The following HDGF variants were observed in gnomAD, a reference collection of about 807,000 sequenced individuals.
HDGF encodes hepatoma-derived growth factor.
Under a neutral mutation model 30.0 loss-of-function variants are expected in HDGF, and 5 were observed. That is an observed-to-expected ratio of 0.17 (90% CI 0.09 to 0.35). The LOEUF (loss-of-function observed/expected upper bound fraction) is 0.35. Among genes scored for constraint, HDGF ranks in the 10% least tolerant of loss-of-function variants. HDGF has a pLI of 1.00. For missense variants in HDGF, 214 were observed against 302.8 expected (o/e 0.71, Z 2.18); for synonymous variants, 133 against 112.7 (o/e 1.18, Z -1.14).
upstream of HDGF, among the ~76,000 whole-genome samples, chr1:156,755,263 C>T (rs1177097208): frequency 1.3e-5 from 2 of 152,102 alleles, no homozygotes; most frequent in South Asian, 4.1e-4. Context: ...GCTCTAGGAT[C>T]CTGAAGCGAG....
intron 1 of HDGF, among the ~76,000 whole-genome samples, chr1:156,766,361 G>T (rs1651376866): frequency 6.6e-6 from 1 of 152,136 alleles, no homozygotes; most frequent in African/African-American, 2.4e-5. Context: ...TGCAATCTGG[G>T]AACAGGGAGG....
rs1385881587 is a variant in HDGF at position 156,742,538 on chromosome 1, ATTTTC to A, written c.*906_*910del. Reference sequence around the variant, plus strand: ...GGGGTCTTTAAAATTTTTTTTTGTAATTTTCTTTTATTAAAAACATTTCCTAAAAA... The same window carrying A: ...GGGGTCTTTAAAATTTTTTTTTGTAATTTTATTAAAAACATTTCCTAAAAA... On this transcript the variant is annotated 3_prime_UTR_variant, in exon 6 of 6. Transcript: ENST00000357325. 6.6e-6 allele frequency: 1 copy of A among 152,610 alleles called. No individual in the cohort carries two copies. 9.5% of individuals were successfully genotyped at this position (152,610 alleles called of 1,614,324 possible).
At chr1:156,746,813 G>T (rs1455732240) in intron 1 of HDGF, among the ~76,000 whole-genome samples, 1 of 152,186 alleles carries the variant, frequency 6.6e-6, no homozygotes, top group Non-Finnish European at 1.5e-5. Flanking sequence ...CATGATGACT[G>T]GGGCCCCAGG....
chr1:156,762,743 A>T (rs1365609947), intron 1 of HDGF, among the ~76,000 whole-genome samples: 3 of 151,968 alleles, frequency 2.0e-5, no homozygotes, highest in African/African-American at 7.2e-5. Flanking sequence ...GTGGTGGCAC[A>T]TGCCTGTAAT....
chr1:156,745,440 G>A, intron 1 of HDGF, 67 bp from the exon 2 acceptor site: 2 of 1,312,236 alleles, frequency 1.5e-6, no homozygotes, highest in Non-Finnish European at 2.2e-6. Flanking sequence ...CAGGGGTGCT[G>A]ACCTCCAAGG....
chr1:156,752,372 G>A, upstream of HDGF: 2 of 1,551,310 alleles, frequency 1.3e-6, no homozygotes, highest in Non-Finnish European at 1.7e-6. Flanking sequence ...ATTCGATCTC[G>A]TTTCTCTAAG....
chr1:156,758,364 G>C (rs1651185696), intron 2 of HDGF, among the ~76,000 whole-genome samples: 1 of 151,844 alleles, frequency 6.6e-6, no homozygotes, highest in Admixed American at 6.6e-5. Flanking sequence ...GGCTGAGGCA[G>C]GTGGATCATG....
upstream of HDGF, among the ~76,000 whole-genome samples, chr1:156,753,562 A>G (rs568309111): frequency 1.3e-5 from 2 of 152,282 alleles, no homozygotes; most frequent in African/African-American, 4.8e-5. Context: ...TATTCTATCT[A>G]TCTATCTGAG....
intron 1 of HDGF, among the ~76,000 whole-genome samples, chr1:156,764,513 T>C (rs1651316998): frequency 6.6e-6 from 1 of 152,206 alleles, no homozygotes; most frequent in Admixed American, 6.5e-5. Flanking sequence ...AGTTACAAAT[T>C]TCTACAGGTA....
intron 2 of HDGF, among the ~76,000 whole-genome samples, chr1:156,757,918 T>G (rs778639813): frequency 2.0e-5 from 3 of 152,232 alleles, no homozygotes; most frequent in Non-Finnish European, 4.4e-5. Context: ...ACAGAACATT[T>G]CCATCACTGC....
chr1:156,752,018 C>G (rs570382087), upstream of HDGF: 4 of 1,549,522 alleles, frequency 2.6e-6, no homozygotes, highest in East Asian at 7.3e-5. Flanking sequence ...GCCCTTCCCC[C>G]GACTCCGCGG....
chr1:156,756,793 CT>C (rs558782106), upstream of HDGF, among the ~76,000 whole-genome samples: 23,562 of 122,208 alleles, frequency 0.19, 1,353 homozygotes, highest in South Asian at 0.27. Flanking sequence ...AAAAGGTGGT[CT>C]TTTTTTTTTT....
chr1:156,757,056 G>A (rs1239957745), upstream of HDGF, among the ~76,000 whole-genome samples: 1 of 151,790 alleles, frequency 6.6e-6, no homozygotes, highest in Non-Finnish European at 1.5e-5. Flanking sequence ...GCCTCCCAAA[G>A]TGCTGGGATT....
At chr1:156,756,555 G>A (rs563202149), upstream of HDGF, among the ~76,000 whole-genome samples, 6 of 152,056 alleles carry the variant, frequency 3.9e-5, no homozygotes, top group South Asian at 1.0e-3. Context: ...CAACCTTTCT[G>A]TTTCTCAGTT....
At chr1:156,765,230 T>C (rs1288623241) in intron 1 of HDGF, among the ~76,000 whole-genome samples, 1 of 150,966 alleles carries the variant, frequency 6.6e-6, no homozygotes, top group African/African-American at 2.4e-5. Flanking sequence ...GTAGCTGGGA[T>C]TACAGGCGCC....
intron 1 of HDGF, among the ~76,000 whole-genome samples, chr1:156,762,797 G>A (rs1019560276): frequency 3.3e-5 from 5 of 151,974 alleles, no homozygotes; most frequent in African/African-American, 4.8e-5. Flanking sequence ...GCTTGAACCC[G>A]GGAGGCGGAG....
At chr1:156,767,169 C>G (rs1013544594), upstream of HDGF, among the ~76,000 whole-genome samples, 1 of 152,178 alleles carries the variant, frequency 6.6e-6, no homozygotes, top group African/African-American at 2.4e-5. Flanking sequence ...CCCGACATCA[C>G]TTGCAGTTTC....
upstream of HDGF, among the ~76,000 whole-genome samples, chr1:156,754,149 T>G (rs1416159342): frequency 6.6e-6 from 1 of 152,024 alleles, no homozygotes; most frequent in Admixed American, 6.6e-5. Flanking sequence ...CTCCTGACCT[T>G]GTCATCCACC....
At position 156,760,258 on chromosome 1, in the gene HDGF, T is replaced by A. The variant is rs569533822; in HGVS notation, n.137-1039A>T. On this transcript the variant is annotated intron_variant and non_coding_transcript_variant, in intron 1 of 7. Coordinates refer to the HDGF transcript ENST00000465180. Reference sequence around the variant, plus strand: ...TGGCTCTGAGCATGCCTGGCCACACTCTTCAGCCCTTTCCTGCAAGGATGT... The same window carrying A: ...TGGCTCTGAGCATGCCTGGCCACACACTTCAGCCCTTTCCTGCAAGGATGT... 5.9e-5 allele frequency among the ~76,000 whole-genome samples: 9 copies of A among 152,316 alleles called. No homozygotes were observed. In the South Asian group the frequency reaches 1.4e-3, roughly 25 times the overall value.
Sources: gnomAD v4.1 joint callset for allele counts (sites outside exome capture counted in the v4.1 genomes callset) on GRCh38, gnomAD v4.1.1 for gene constraint, MANE v1.5 for transcripts, NCBI Gene and HGNC (gene_info 2026-07-23, HGNC 2026-07-21) for gene names.